JPH2: variants seen among roughly 807,000 people sequenced by gnomAD.
JPH2 encodes the protein junctophilin-2.
Under a neutral mutation model 55.9 loss-of-function variants are expected in JPH2, and 38 were observed. That is an observed-to-expected ratio of 0.68 (90% confidence interval 0.52 to 0.89). JPH2 has a LOEUF of 0.89. Ranked by LOEUF, JPH2 falls within the 40% of genes least tolerant of loss-of-function variation. The pLI is 0.00. For synonymous variants in JPH2, 480 were observed against 472.4 expected, an observed-to-expected ratio of 1.02 and a Z score of -0.21; for missense variants, 964 against 1,037.6, an observed-to-expected ratio of 0.93 and a Z score of 0.97.
At chr20:44,148,598 G>A (rs1051680108) in intron 2 of JPH2, among the ~76,000 whole-genome samples, 1 of 152,188 alleles carries the variant, frequency 6.6e-6, no homozygotes, top group Non-Finnish European at 1.5e-5. Flanking sequence ...AAGGCGACCC[G>A]AGCTGCCGCG....
chr20:44,159,758 G>C lies in JPH2; in HGVS notation c.1029C>G (p.His343Gln), dbSNP rs1167532098. ...DGHREEGKYRHNVLVKDTKRR... is the reference protein window; with the variant it reads ...DGHREEGKYRQNVLVKDTKRR... ...GCTTGGTGTCCTTGACCAGCACGTT[G>C]TGGCGGTACTTGCCCTCCTCGCGGT... is the stretch of plus-strand genomic sequence containing the variant. The change falls in exon 2 of 6, where the codon CAC becomes CAG. Residue 343 changes from histidine to glutamine, a missense_variant. Transcript: ENST00000372980. This position sits in a 1 kb window ranked among gnomAD's most constrained non-coding sequence, Gnocchi z 5.7. 6.2e-7 allele frequency: 1 copy of C among 1,613,718 alleles called. No homozygotes were observed. The highest frequency in any genetic ancestry group is 1.1e-5 in the South Asian group (1 of 91,088).
rs1442503448 is a variant in JPH2, at chr20:44,185,293, C to G, written c.379+1034G>C. 7.9e-5 allele frequency among the ~76,000 whole-genome samples: 12 copies of G among 152,054 alleles called. 1 individual carries two copies. Among genetic ancestry groups the G allele is most frequent in the Admixed American group, 7.2e-4 (11 of 15,260 alleles). ...CCGCACTTCAGCCTGAGCAACAAAGCAAGACCTATCTTTAAAAAATTTAAA... is the reference window on the plus strand; with the variant it reads ...CCGCACTTCAGCCTGAGCAACAAAGGAAGACCTATCTTTAAAAAATTTAAA... On this transcript the variant is annotated intron_variant, in intron 1 of 5. Transcript: ENST00000372980.
chr20:44,186,133 T>C (rs983097892), intron 1 of JPH2, among the ~76,000 whole-genome samples, 194 bp downstream of exon 1: 2 of 152,150 alleles, frequency 1.3e-5, no homozygotes, highest in African/African-American at 4.8e-5. Context: ...CAATAACCCC[T>C]TTATTAGCTC....
At chr20:44,153,244 G>A (rs1332132915) in intron 2 of JPH2, among the ~76,000 whole-genome samples, 2 of 152,170 alleles carry the variant, frequency 1.3e-5, no homozygotes, top group African/African-American at 2.4e-5. Flanking sequence ...TCCAAGCACC[G>A]GCCCTTTACA....
In JPH2 at chr20:44,160,741, C is replaced by T. The variant is rs1472268858; in HGVS notation, c.380-334G>A. 2.6e-5 allele frequency among the ~76,000 whole-genome samples: 4 copies of T among 152,166 alleles called. No homozygotes were observed. The highest frequency in any genetic ancestry group is 1.3e-4 in the Admixed American group (2 of 15,276). On this transcript the variant is annotated intron_variant, in intron 1 of 5. Coordinates refer to ENST00000372980, the MANE Select transcript of JPH2 (RefSeq NM_020433.5). The surrounding 1 kb of genome is among the most constrained non-coding windows in gnomAD (Gnocchi z 4.9). ...GCTTGTGTGTGTATTTGTGCAAGATCGTGCGTACAAGACACTTGTGGGCGT... is the reference window on the plus strand; with the variant it reads ...GCTTGTGTGTGTATTTGTGCAAGATTGTGCGTACAAGACACTTGTGGGCGT...
chr20:44,122,100 G>A (rs891254329), intron 2 of JPH2, among the ~76,000 whole-genome samples: 1 of 152,166 alleles, frequency 6.6e-6, no homozygotes, highest in Non-Finnish European at 1.5e-5. Context: ...CCTAACCACA[G>A]GCTCAATTTC....
chr20:44,141,293 C>A (rs1361693701), intron 2 of JPH2, among the ~76,000 whole-genome samples: 1 of 152,176 alleles, frequency 6.6e-6, no homozygotes, highest in Non-Finnish European at 1.5e-5. Context: ...GAAGCTGTTG[C>A]ATTTGGACCT....
rs1296395633 is a variant in JPH2, at chr20:44,108,900, T to A, written c.*4618A>T. Among the ~76,000 whole-genome samples the A allele has an allele frequency of 6.6e-6, 1 of 152,202 alleles. No individual in the cohort carries two copies. The highest frequency in any genetic ancestry group is 1.5e-5 in the Non-Finnish European group (1 of 68,028). On this transcript the variant is annotated 3_prime_UTR_variant, in exon 6 of 6. Transcript: ENST00000372980. The stretch of plus-strand genomic sequence containing the variant: ...CCCATATGAAAAACAGGGGGCCAGA[T>A]GAGCTGATATCTTAGAGTGCCTCCA...
intron 2 of JPH2, among the ~76,000 whole-genome samples, chr20:44,148,050 C>G (rs894288039): frequency 6.6e-6 from 1 of 152,104 alleles, no homozygotes; most frequent in Non-Finnish European, 1.5e-5. Flanking sequence ...GTAATCCCAG[C>G]GACTCGGGAG....
chr20:44,133,864 T>C (rs1448771936), intron 2 of JPH2, among the ~76,000 whole-genome samples: 1 of 109,864 alleles, frequency 9.1e-6, no homozygotes, highest in Non-Finnish European at 1.7e-5. Context: ...TAAATATACA[T>C]TATAATATAT....
chr20:44,113,942 C>A (rs1268011118), intron 5 of JPH2, among the ~76,000 whole-genome samples: 1 of 152,190 alleles, frequency 6.6e-6, no homozygotes, highest in Non-Finnish European at 1.5e-5. Flanking sequence ...TACATGGTGA[C>A]AGCATAGACT....
chr20:44,117,676 T>A lies in JPH2; in HGVS notation c.1288+829A>T, dbSNP rs182196128. On this transcript the variant is annotated intron_variant, in intron 3 of 5. Coordinates refer to ENST00000372980, the MANE Select transcript of JPH2 (RefSeq NM_020433.5). ...TCAAATTTGAGACCCACTGACTTGA[T>A]AGACTCTTGTTCAGCCTGCAAGATT... Among the ~76,000 whole-genome samples the A allele has an allele frequency of 2.6e-4, 40 of 152,314 alleles. 1 individual carries two copies. Among genetic ancestry groups the A allele is most frequent in the African/African-American group, 9.1e-4 (38 of 41,580 alleles).
intron 2 of JPH2, among the ~76,000 whole-genome samples, chr20:44,133,460 T>C (rs909710872): frequency 2.0e-5 from 3 of 152,094 alleles, no homozygotes; most frequent in Admixed American, 1.3e-4. Flanking sequence ...AGGCCTCCTT[T>C]GGGGGCAGCC....
intron 5 of JPH2, 63 bp from the exon 6 acceptor site, chr20:44,113,566 A>T (rs1049696996): frequency 6.6e-6 from 1 of 152,470 alleles, no homozygotes; most frequent in Non-Finnish European, 1.5e-5. Flanking sequence ...CCGCCAAGCC[A>T]GGTGCAGGGC....
chr20:44,114,379 T>C (rs538689581), intron 5 of JPH2, among the ~76,000 whole-genome samples: 12 of 152,172 alleles, frequency 7.9e-5, no homozygotes, highest in Non-Finnish European at 1.5e-4. Context: ...GACTTTTCTG[T>C]AATGAGCTCT....
rs527681702 is a variant in JPH2 at position 44,135,206 on chromosome 20, T to C, written c.1170-16583A>G. Among the ~76,000 whole-genome samples, 5 of 151,938 alleles carry C rather than the reference T, an allele frequency of 3.3e-5. No individual in the cohort carries two copies. In the East Asian group the frequency reaches 5.8e-4, roughly 18 times the overall value. ...TCCCCAGAGGCCACCCCCAGAAAAT[T>C]TGGTCTTAAACCTCTGCTTAAAACC... On this transcript the variant is annotated intron_variant, in intron 2 of 5. Transcript: ENST00000372980.
chr20:44,125,984 T>G (rs78207464), intron 2 of JPH2, among the ~76,000 whole-genome samples: 14,494 of 151,424 alleles, frequency 0.096, 785 homozygotes, highest in African/African-American at 0.14. Flanking sequence ...ATAAAAACAT[T>G]AGCCAGGCAT....
At chr20:44,145,473 G>A (rs1261026009) in intron 2 of JPH2, among the ~76,000 whole-genome samples, 1 of 152,030 alleles carries the variant, frequency 6.6e-6, no homozygotes, top group African/African-American at 2.4e-5. Flanking sequence ...GGGTGTGGTA[G>A]CGTGCCTGTA....
chr20:44,152,302 T>G (rs550043797), intron 2 of JPH2, among the ~76,000 whole-genome samples: 3 of 152,360 alleles, frequency 2.0e-5, no homozygotes, highest in African/African-American at 7.2e-5. Context: ...AAACTTAACC[T>G]GTCTGTGCCT....
Sources: allele counts gnomAD v4.1 joint callset (sites outside exome capture counted in the v4.1 genomes callset), GRCh38; gene constraint gnomAD v4.1.1; non-coding constraint Gnocchi (gnomAD v3.1); transcripts MANE v1.5; gene names NCBI Gene and HGNC (gene_info 2026-07-23, HGNC 2026-07-21).